Variants in HS1BP3 observed in about 807,000 individuals in gnomAD.
HS1BP3 encodes the protein HCLS1 binding protein 3.
A neutral mutation model predicts 33.5 loss-of-function variants in HS1BP3; 32 were observed. The ratio of observed to expected loss-of-function variants is 0.95; its 90% confidence interval spans 0.72 to 1.28. The LOEUF (loss-of-function observed/expected upper bound fraction) is 1.28, where lower values mean the gene tolerates loss of function less well. Among genes scored for constraint, HS1BP3 ranks in the 50% most tolerant of loss-of-function variants. The pLI is 0.00. For synonymous variants in HS1BP3, 187 were observed against 209.2 expected, an observed-to-expected ratio of 0.89 and a Z score of 0.92; for missense variants, 486 against 502.3, an observed-to-expected ratio of 0.97 and a Z score of 0.31.
Position 20,594,012 on chromosome 2 carries a change from C to T in HS1BP3, c.*13-1218G>A, listed in dbSNP as rs549602644. ...GCCATGTCTCTGCTGCTGATGGGCTCTGTGACTGGCACAATTTCCTTCCTG... is the reference window on the plus strand; with the variant it reads ...GCCATGTCTCTGCTGCTGATGGGCTTTGTGACTGGCACAATTTCCTTCCTG... On this transcript the variant is annotated intron_variant, in intron 3 of 3. Transcript: ENST00000415264. 2.0e-4 allele frequency among the ~76,000 whole-genome samples: 30 copies of T among 152,366 alleles called. No homozygotes were observed. In the South Asian group the frequency reaches 6.2e-3, roughly 32 times the overall value.
intron 6 of HS1BP3, 117 bp from the exon 7 acceptor site, chr2:20,619,362 G>T: frequency 1.1e-6 from 1 of 915,476 alleles, no homozygotes; most frequent in Non-Finnish European, 1.6e-6. Flanking sequence ...GCCCAGCCTC[G>T]GCCAGGTCAA....
rs56344027 is a variant in HS1BP3, at chr2:20,642,362, T to TGG, written c.199-1184_199-1183dup. 4.6e-5 allele frequency among the ~76,000 whole-genome samples: 7 copies of TGG among 152,202 alleles called. No individual in the cohort carries two copies. In the East Asian group the frequency reaches 1.4e-3, roughly 29 times the overall value. ...AAGGGTCAAGATACCAGGAGGCAGC[T>TGG]GGGGGGATTTCAGAACCTCCAGTGG... On this transcript the variant is annotated intron_variant, in intron 2 of 6. Coordinates refer to ENST00000304031, the MANE Select transcript of HS1BP3 (RefSeq NM_022460.4).
chr2:20,568,404 A>G (rs1185730242), intron 5 of HS1BP3, among the ~76,000 whole-genome samples: 1 of 152,120 alleles, frequency 6.6e-6, no homozygotes, highest in African/African-American at 2.4e-5. Flanking sequence ...TAGGAGCTGG[A>G]GCCGGGCGGG....
rs1693191694 is a variant in HS1BP3, at chr2:20,568,584, G to A, written c.303-8069C>T. On this transcript the variant is annotated intron_variant, in intron 5 of 5. Transcript: ENST00000446825. ...CAGGAGGTGAGGGAGGAGGTGACAG[G>A]AACCAAATCAGGAGGCTCCCAGGCC... Among the ~76,000 whole-genome samples the A allele has an allele frequency of 2.0e-5, 3 of 152,220 alleles. 1 individual carries two copies. In the South Asian group the frequency reaches 6.2e-4, roughly 32 times the overall value.
rs750307846 is a variant in HS1BP3 at position 20,641,024 on chromosome 2, C to T, written c.355G>A (p.Val119Ile). The T allele has an allele frequency of 1.9e-6, 3 of 1,614,180 alleles. No homozygotes were observed. Among genetic ancestry groups the T allele is most frequent in the African/African-American group, 1.3e-5 (1 of 75,058 alleles). Reference sequence around the variant, plus strand: ...CCTGCCAACTCGGCATCCTTGGAGACACAGCGCAGGATCTCATTGAACACG... The same window carrying T: ...CCTGCCAACTCGGCATCCTTGGAGATACAGCGCAGGATCTCATTGAACACG... ...RAVFNEILRCVSKDAELAGSP... is the reference protein window; with the variant it reads ...RAVFNEILRCISKDAELAGSP... Residue 119 changes from valine (V) to isoleucine (I), a missense_variant, in exon 3 of 7, where the codon GTC becomes ATC. Transcript: ENST00000304031.
At chr2:20,575,684 A>T (rs1015684260) in intron 5 of HS1BP3, among the ~76,000 whole-genome samples, 1 of 152,018 alleles carries the variant, frequency 6.6e-6, no homozygotes, top group Non-Finnish European at 1.5e-5. Flanking sequence ...GGCATTCCTT[A>T]TCCACGGGCC....
At chr2:20,602,939 A>G (rs1166247209) in intron 2 of HS1BP3, among the ~76,000 whole-genome samples, 3 of 152,252 alleles carry the variant, frequency 2.0e-5, no homozygotes, top group Non-Finnish European at 4.4e-5. Flanking sequence ...CATTTCTCCA[A>G]ACAAGATATA....
At chr2:20,619,921 A>C (rs1694542117) in intron 6 of HS1BP3, among the ~76,000 whole-genome samples, 2 of 152,150 alleles carry the variant, frequency 1.3e-5, no homozygotes, top group African/African-American at 4.8e-5. Context: ...GACGGAACCC[A>C]GTGAGAGCTG....
chr2:20,567,038 C>T (rs183817580), intron 5 of HS1BP3, among the ~76,000 whole-genome samples: 4 of 152,304 alleles, frequency 2.6e-5, no homozygotes, highest in Admixed American at 6.5e-5. Flanking sequence ...ATGGAAGTCA[C>T]GGGTATTGGG....
chr2:20,640,802 C>T (rs1035859143), intron 3 of HS1BP3, 171 bp downstream of exon 3: 4 of 667,478 alleles, frequency 6.0e-6, no homozygotes, highest in Non-Finnish European at 1.1e-5. Flanking sequence ...GGTAGGCCTC[C>T]TTCTGCCCAC....
At chr2:20,562,111 C>T (rs1407954506) in intron 5 of HS1BP3, among the ~76,000 whole-genome samples, 3 of 152,186 alleles carry the variant, frequency 2.0e-5, no homozygotes, top group Admixed American at 1.3e-4. Context: ...CTCCATGCCC[C>T]TTTCCCCATG....
chr2:20,623,534 G>C (rs966221092), intron 6 of HS1BP3: 10 of 164,582 alleles, frequency 6.1e-5, no homozygotes. Flanking sequence ...GCTGCATGCT[G>C]CCATGAGTCC....
In HS1BP3 at chr2:20,645,494, T is replaced by C; in HGVS notation, c.44A>G (p.Asn15Ser). 7.4e-6 allele frequency: 12 copies of C among 1,612,386 alleles called. No homozygotes were observed. The highest frequency in any genetic ancestry group is 1.0e-5 in the Non-Finnish European group (12 of 1,179,312). Residue 15 changes from asparagine (N) to serine (S), a missense_variant, in exon 2 of 7, where the codon AAT becomes AGT. By Grantham distance (46) the Asn-to-Ser change is conservative. Transcript: ENST00000304031. ...AVLVTSRRLQ[N>S]AHTGLDLTVP... ...AGTCAGGTCGAGGCCAGTGTGGGCA[T>C]TCTGAAGTCGCCTGCCAGGGGAAAA...
chr2:20,567,696 G>C (rs894146680), intron 5 of HS1BP3, among the ~76,000 whole-genome samples: 5 of 152,160 alleles, frequency 3.3e-5, no homozygotes, highest in African/African-American at 1.2e-4. Flanking sequence ...GGCTGCCTTT[G>C]TGCCCAGAGG....
intron 3 of HS1BP3, among the ~76,000 whole-genome samples, chr2:20,595,039 A>G (rs983028655): frequency 2.0e-5 from 3 of 152,188 alleles, no homozygotes; most frequent in Non-Finnish European, 4.4e-5. Flanking sequence ...CGGGATAGAC[A>G]GAGCCCGGCA....
chr2:20,641,803 T>G (rs1408937419), intron 2 of HS1BP3, among the ~76,000 whole-genome samples: 4 of 152,230 alleles, frequency 2.6e-5, no homozygotes, highest in African/African-American at 4.8e-5. Context: ...CAGCTTCCCG[T>G]GGGGCCAGCG....
intron 5 of HS1BP3, among the ~76,000 whole-genome samples, chr2:20,582,989 T>C (rs941321827): frequency 6.6e-6 from 1 of 152,026 alleles, no homozygotes; most frequent in Non-Finnish European, 1.5e-5. Flanking sequence ...CACACCCTCC[T>C]CACACCCTGG....
chr2:20,575,689 C>G (rs80070371), intron 5 of HS1BP3, among the ~76,000 whole-genome samples: 1 of 152,176 alleles, frequency 6.6e-6, no homozygotes, highest in African/African-American at 2.4e-5. Context: ...TCCTTATCCA[C>G]GGGCCTGGCC....
At chr2:20,572,983 A>G (rs1371108192) in intron 5 of HS1BP3, among the ~76,000 whole-genome samples, 4 of 152,214 alleles carry the variant, frequency 2.6e-5, no homozygotes, top group Non-Finnish European at 4.4e-5. Flanking sequence ...CCACCGCAAC[A>G]TAGAGAATGT....
Sources: gnomAD v4.1 joint callset for allele counts (sites outside exome capture counted in the v4.1 genomes callset) on GRCh38, gnomAD v4.1.1 for gene constraint, MANE v1.5 for transcripts, NCBI Gene and HGNC (gene_info 2026-07-23, HGNC 2026-07-21) for gene names.